AP3B1: variants seen among roughly 807,000 people sequenced by gnomAD.
AP3B1 encodes the protein adaptor related protein complex 3 subunit beta 1, also known as AP-3 complex subunit beta-1.
In AP3B1, 61 loss-of-function variants were observed where a neutral mutation model predicts 132.5. That is an observed-to-expected ratio of 0.46 (90% confidence interval 0.37 to 0.57). The LOEUF is 0.57. Ranked by LOEUF, AP3B1 falls within the 20% of genes least tolerant of loss-of-function variation. The probability of loss-of-function intolerance (pLI) is 0.00; values close to 1 mark genes in which losing one functional copy is unlikely to be tolerated. For missense variants in AP3B1, 1,120 were observed against 1,289.4 expected, an observed-to-expected ratio of 0.87 and a Z score of 2.01; for synonymous variants, 388 against 438.3, an observed-to-expected ratio of 0.89 and a Z score of 1.43.
intron 26 of AP3B1, among the ~76,000 whole-genome samples, chr5:78,012,387 T>C (rs1032335234): frequency 5.3e-5 from 8 of 152,154 alleles, no homozygotes; most frequent in African/African-American, 1.9e-4. Context: ...TTTGTTTTAA[T>C]TGCTATTAGC....
intron 3 of AP3B1, among the ~76,000 whole-genome samples, chr5:78,229,054 T>A (rs891171732): frequency 6.6e-6 from 1 of 152,104 alleles, no homozygotes; most frequent in Non-Finnish European, 1.5e-5. Flanking sequence ...CACCTCAGCC[T>A]CTCCAGTGGC....
chr5:78,272,063 A>G (rs190328294), intron 1 of AP3B1, among the ~76,000 whole-genome samples: 1 of 152,330 alleles, frequency 6.6e-6, no homozygotes, highest in Admixed American at 6.5e-5. Context: ...GCCACCTAAG[A>G]GACTTCATAA....
chr5:78,238,956 G>C (rs1227885767), intron 3 of AP3B1, among the ~76,000 whole-genome samples: 1 of 149,998 alleles, frequency 6.7e-6, no homozygotes, highest in Non-Finnish European at 1.5e-5. Flanking sequence ...CAGACAAGCT[G>C]AAAGCAAATG....
Position 78,116,237 on chromosome 5 carries a change from G to C in AP3B1, c.1969-3C>G. ...CCTGCTGGGGTCCATTCTTTTGCCT[G>C]TTTAAACAAATAAAGTAAATATAAA... On this transcript the variant is annotated splice_polypyrimidine_tract_variant and splice_region_variant and intron_variant, in intron 17 of 26. Transcript: ENST00000255194. The C allele has an allele frequency of 6.2e-7, 1 of 1,606,292 alleles. No homozygotes were observed. Among genetic ancestry groups the C allele is most frequent in the Non-Finnish European group, 8.5e-7 (1 of 1,173,248 alleles).
chr5:78,100,042 CA>C (rs764741222), intron 21 of AP3B1, among the ~76,000 whole-genome samples: 3 of 152,044 alleles, frequency 2.0e-5, no homozygotes, highest in Non-Finnish European at 4.4e-5. Context: ...TGGATGATAC[CA>C]AACCTCAAAA....
chr5:78,152,331 C>G (rs1258273477), intron 14 of AP3B1, among the ~76,000 whole-genome samples: 1 of 151,736 alleles, frequency 6.6e-6, no homozygotes, highest in Non-Finnish European at 1.5e-5. Context: ...ACTGGGAGAA[C>G]TTTTATTATG....
chr5:78,034,491 A>G (rs1747716462), intron 23 of AP3B1, 46 bp from the exon 24 acceptor site: 1 of 1,420,574 alleles, frequency 7.0e-7, no homozygotes, highest in East Asian at 2.3e-5. Flanking sequence ...AGGATGTGAA[A>G]AAGAGGCAAA....
chr5:78,046,638 C>A (rs1426791127), intron 22 of AP3B1, among the ~76,000 whole-genome samples: 1 of 151,998 alleles, frequency 6.6e-6, no homozygotes, highest in East Asian at 1.9e-4. Context: ...ATTAGAAAGA[C>A]AAAATCTCCC....
intron 18 of AP3B1, 51 bp from the exon 19 acceptor site, chr5:78,113,974 C>T (rs772440552): frequency 1.4e-5 from 22 of 1,576,276 alleles, no homozygotes; most frequent in Non-Finnish European, 1.8e-5. Flanking sequence ...TAATTAGACA[C>T]ACGGACACCT....
chr5:78,228,597 G>A lies in AP3B1; in HGVS notation c.280-358C>T, dbSNP rs150852401. Among the ~76,000 whole-genome samples the A allele has an allele frequency of 2.7e-3, 413 of 152,346 alleles. 2 individuals carry two copies. The highest frequency in any genetic ancestry group is 4.6e-3 in the Non-Finnish European group (311 of 68,026). ...GAAGCCAGGCATGGCGTACATGCTT[G>A]TAGTCCCAGCTACACAGGAGGCTGA... On this transcript the variant is annotated intron_variant, in intron 3 of 26. Transcript: ENST00000255194.
chr5:78,111,748 T>C (rs1224118065), intron 19 of AP3B1, among the ~76,000 whole-genome samples: 1 of 152,218 alleles, frequency 6.6e-6, no homozygotes, highest in Non-Finnish European at 1.5e-5. Flanking sequence ...CACATGTGTG[T>C]GTATTTTTTT....
intron 6 of AP3B1, among the ~76,000 whole-genome samples, chr5:78,216,734 T>C (rs890843904): frequency 2.0e-5 from 3 of 152,150 alleles, no homozygotes; most frequent in African/African-American, 4.8e-5. Flanking sequence ...AAGAACACTT[T>C]CAAATCATAT....
intron 2 of AP3B1, among the ~76,000 whole-genome samples, chr5:78,257,041 T>A (rs1747876567): frequency 6.6e-6 from 1 of 152,108 alleles, no homozygotes; most frequent in South Asian, 2.1e-4. Context: ...AAACTATATA[T>A]GACAAACCTC....
At position 78,039,870 on chromosome 5, in the gene AP3B1, T is replaced by A. The variant is rs191335893; in HGVS notation, c.2578-596A>T. 1.4e-4 allele frequency among the ~76,000 whole-genome samples: 21 copies of A among 151,840 alleles called. No homozygotes were observed. The East Asian group carries it at 3.9e-3, about 28-fold the overall frequency. ...AATATTACAAACATACTCATTTTTT[T>A]TTTTTTTGCTGGGGGGCAGGGATTT... On this transcript the variant is annotated intron_variant, in intron 22 of 26. Coordinates refer to ENST00000255194, the MANE Select transcript of AP3B1 (RefSeq NM_003664.5).
intron 25 of AP3B1, among the ~76,000 whole-genome samples, chr5:78,018,517 A>C (rs1414447169): frequency 6.6e-6 from 1 of 152,066 alleles, no homozygotes; most frequent in Non-Finnish European, 1.5e-5. Context: ...AAATAGAACC[A>C]TATTCCCCAT....
At chr5:78,017,835 G>A (rs1668958603) in intron 25 of AP3B1, among the ~76,000 whole-genome samples, 1 of 151,994 alleles carries the variant, frequency 6.6e-6, no homozygotes, top group South Asian at 2.1e-4. Context: ...TAAATAATTT[G>A]TGGCTTTATT....
chr5:78,175,775 C>T lies in AP3B1; in HGVS notation c.1095+9G>A, dbSNP rs759030968. The stretch of plus-strand genomic sequence containing the variant: ...TGTCTCTTAAATTACGTGTTCAGAA[C>T]ATACATACCTTTCTTTGAATTGACA... On this transcript the variant is annotated intron_variant, in intron 10 of 26. Coordinates refer to ENST00000255194, the MANE Select transcript of AP3B1 (RefSeq NM_003664.5). The T allele has an allele frequency of 1.9e-6, 3 of 1,611,674 alleles. No homozygotes were observed. Among genetic ancestry groups the T allele is most frequent in the South Asian group, 2.2e-5 (2 of 91,004 alleles).
chr5:78,232,359 T>A (rs1002619394), intron 3 of AP3B1, among the ~76,000 whole-genome samples: 3 of 152,180 alleles, frequency 2.0e-5, no homozygotes, highest in African/African-American at 7.2e-5. Flanking sequence ...CTCAGCCTCT[T>A]GCTTGTGAAA....
chr5:78,122,938 T>C (rs1752289238), intron 17 of AP3B1, among the ~76,000 whole-genome samples: 1 of 152,230 alleles, frequency 6.6e-6, no homozygotes, highest in Admixed American at 6.5e-5. Context: ...GCCATCTGAC[T>C]TCAAACTATA....
Sources: gnomAD v4.1 joint callset for allele counts (sites outside exome capture counted in the v4.1 genomes callset) on GRCh38, gnomAD v4.1.1 for gene constraint, MANE v1.5 for transcripts, NCBI Gene and HGNC (gene_info 2026-07-23, HGNC 2026-07-21) for gene names.